Variants in ZNF471 observed in about 807,000 individuals in gnomAD.
ZNF471 encodes the protein zinc finger protein 471.
ZNF471 carries 7 observed loss-of-function variants against 13.7 expected under a neutral mutation model. The ratio of observed to expected loss-of-function variants is 0.51; its 90% CI spans 0.29 to 0.96. ZNF471 has a LOEUF of 0.96. Ranked by LOEUF, ZNF471 falls within the 40% of genes least tolerant of loss-of-function variation. The pLI is 0.08. For missense variants in ZNF471, 663 were observed against 743.3 expected (o/e 0.89, Z 1.26); for synonymous variants, 218 against 235.6 (o/e 0.93, Z 0.68).
rs549390004 is a variant in ZNF471 at position 56,516,502 on chromosome 19, G to C, written c.160+101G>C. 15 of 1,115,748 alleles carry C rather than the reference G, an allele frequency of 1.3e-5. No homozygotes were observed. The highest frequency in any genetic ancestry group is 7.6e-5 in the Admixed American group (3 of 39,376). 69.1% of individuals were successfully genotyped at this position (1,115,748 alleles called of 1,614,324 possible). ...TTATATGTAGGTCAGAATGGAATTT[G>C]GGAATGGAATCTGAGAAACAGAGGA... On this transcript the variant is annotated intron_variant, in intron 3 of 4. Transcript: ENST00000308031. This position sits in a 1 kb window ranked among gnomAD's most constrained non-coding sequence, Gnocchi z 4.4.
chr19:56,518,542 A>T lies in ZNF471; in HGVS notation c.221A>T (p.Glu74Val), dbSNP rs770127423. 8.1e-6 allele frequency: 13 copies of T among 1,613,658 alleles called. No homozygotes were observed. Among genetic ancestry groups the T allele is most frequent in the Non-Finnish European group, 1.1e-5 (13 of 1,179,890 alleles). ...SLLEQGREPWEMTSEMTRSPF... is the reference protein window; with the variant it reads ...SLLEQGREPWVMTSEMTRSPF... ...TTGGAGCAAGGGAGAGAGCCTTGGG[A>T]GATGACGAGTGAGATGACAAGAAGC... Residue 74 changes from glutamate (E) to valine (V), a missense_variant, in exon 4 of 5, where the codon GAG becomes GTG. Glu to Val is a moderately radical substitution (Grantham distance 121). Coordinates refer to ENST00000308031, the MANE Select transcript of ZNF471 (RefSeq NM_020813.4).
At chr19:56,511,358 A>T (rs2043808837) in intron 1 of ZNF471, among the ~76,000 whole-genome samples, 159 bp from the exon 2 acceptor site, 1 of 152,048 alleles carries the variant, frequency 6.6e-6, no homozygotes, top group Non-Finnish European at 1.5e-5. Flanking sequence ...CATGAAAAAA[A>T]AAAACCGTTA....
Position 56,510,681 on chromosome 19 carries a change from T to C in ZNF471, c.-55-836T>C, listed in dbSNP as rs902501605. On this transcript the variant is annotated intron_variant, in intron 1 of 4. Transcript: ENST00000308031. The surrounding 1 kb of genome is among the most constrained non-coding windows in gnomAD (Gnocchi z 4.3). ...GTATGTCACCCTGTATACCCATAAT[T>C]GTGGCCCTGTATGACTGCTGTGTAT... 1.0e-6 allele frequency: 1 copy of C among 985,462 alleles called. No homozygotes were observed. The highest frequency in any genetic ancestry group is 1.7e-5 in the African/African-American group (1 of 57,232). The allele number at this position is 985,462 out of a possible 1,614,324, so 61.0% of individuals were successfully genotyped here.
In ZNF471 at chr19:56,508,229, CTGTGTGTG is replaced by C. The variant is rs3219817; in HGVS notation, c.-56+326_-56+333del. 1.3e-3 allele frequency: 1,051 copies of C among 805,214 alleles called. 17 individuals are homozygous for C. In the African/African-American group the frequency reaches 0.02, roughly 15 times the overall value. 49.9% of individuals were successfully genotyped at this position (805,214 alleles called of 1,614,324 possible). A position where few individuals can be genotyped will look rare whatever the true frequency, so the allele number is the denominator to read the frequency against. On this transcript the variant is annotated intron_variant, in intron 1 of 4. Transcript: ENST00000308031. This position sits in a 1 kb window ranked among gnomAD's most constrained non-coding sequence, Gnocchi z 4.7. ...GAGGCTCCGTGAGAGGGTGTGGTTT[CTGTGTGTG>C]TGTGTGTGTGTGTGTGACAGACCGA...
Position 56,529,742 on chromosome 19 carries a change from T to A in ZNF471, c.*3794T>A, listed in dbSNP as rs1187747221. The A allele has an allele frequency of 6.6e-6, 1 of 152,132 alleles. No homozygotes were observed. Among genetic ancestry groups the A allele is most frequent in the Non-Finnish European group, 1.5e-5 (1 of 68,022 alleles). 9.4% of individuals were successfully genotyped at this position (152,132 alleles called of 1,614,324 possible). A position where few individuals can be genotyped will look rare whatever the true frequency, so the allele number is the denominator to read the frequency against. On this transcript the variant is annotated 3_prime_UTR_variant, in exon 5 of 5. Coordinates refer to ENST00000308031, the MANE Select transcript of ZNF471 (RefSeq NM_020813.4). ...TAAGTGCAGATTGTAAAAGTCCTCA[T>A]CCCCACCAACACAAACCAGCAGAAA...
At chr19:56,514,055 T>C (rs2043845413) in intron 2 of ZNF471, among the ~76,000 whole-genome samples, 1 of 144,580 alleles carries the variant, frequency 6.9e-6, no homozygotes, top group Non-Finnish European at 1.5e-5. Flanking sequence ...GTTTTAACTT[T>C]TTAATTTTTT....
chr19:56,523,328 C>T (rs1279729157), intron 4 of ZNF471, among the ~76,000 whole-genome samples: 1 of 151,254 alleles, frequency 6.6e-6, no homozygotes, highest in African/African-American at 2.4e-5. Context: ...TGCCACTGCA[C>T]TCCAGCCCGG....
chr19:56,510,770 G>A lies in ZNF471; in HGVS notation c.-55-747G>A. The A allele has an allele frequency of 1.0e-6, 1 of 985,498 alleles. No homozygotes were observed. The highest frequency in any genetic ancestry group is 4.7e-5 in the South Asian group (1 of 21,284). 61.0% of individuals were successfully genotyped at this position (985,498 alleles called of 1,614,324 possible). ...TATGAGTGTGGCTGTTTGGAATTGT[G>A]TGTTGCCGGGATAGGAAATGTGGAA... On this transcript the variant is annotated intron_variant, in intron 1 of 4. Coordinates refer to ENST00000308031, the MANE Select transcript of ZNF471 (RefSeq NM_020813.4). The surrounding 1 kb of genome is among the most constrained non-coding windows in gnomAD (Gnocchi z 4.3).
At position 56,525,835 on chromosome 19, in the gene ZNF471, C is replaced by T. The variant is rs1006049172; in HGVS notation, c.1768C>T (p.Gln590Ter). The T allele has an allele frequency of 6.2e-7, 1 of 1,614,162 alleles. No individual in the cohort carries two copies. ...FSDSSSCAQH[Q>*]RLHTGQRPYQ... ...TGATAGCTCATCCTGTGCTCAGCAT[C>T]AAAGACTCCACACTGGCCAAAGGCC... is the stretch of plus-strand genomic sequence containing the variant. The change falls in exon 5 of 5, where the codon CAA becomes TAA. Residue 590 changes from glutamine to a stop codon, truncating the protein, a stop_gained. Coordinates refer to ENST00000308031, the MANE Select transcript of ZNF471 (RefSeq NM_020813.4). LOFTEE classifies it low-confidence loss of function (END_TRUNC).
Position 56,525,400 on chromosome 19 carries a change from T to TG in ZNF471, c.1333_1334insG (p.Ser445CysfsTer16). The TG allele has an allele frequency of 6.2e-7, 1 of 1,614,014 alleles. No individual in the cohort carries two copies. The highest frequency in any genetic ancestry group is 8.5e-7 in the Non-Finnish European group (1 of 1,179,978). Reference sequence around the variant, plus strand: ...TGGGAAAGATTTTAGCCATCATGCATCACTCACTCAGCATCAAAGAGTACA... The same window carrying TG: ...TGGGAAAGATTTTAGCCATCATGCATGCACTCACTCAGCATCAAAGAGTACA... On this transcript the variant is annotated frameshift_variant, in exon 5 of 5. Coordinates refer to ENST00000308031, the MANE Select transcript of ZNF471 (RefSeq NM_020813.4). LOFTEE classifies it low-confidence loss of function (END_TRUNC).
At chr19:56,511,656 CTT>C (rs67525856) in intron 2 of ZNF471, 52 bp downstream of exon 2, 648,774 of 1,445,618 alleles carry the variant, frequency 0.45, 149,598 homozygotes, top group Middle Eastern at 0.49. Flanking sequence ...CTGTTTAGGA[CTT>C]TTTGTAATGC....
chr19:56,512,770 C>T (rs1343469295), intron 2 of ZNF471, among the ~76,000 whole-genome samples: 2 of 152,094 alleles, frequency 1.3e-5, no homozygotes, highest in East Asian at 1.9e-4. Context: ...TGAAATTCCC[C>T]TCCTCACATT....
Position 56,516,207 on chromosome 19 carries a change from T to G in ZNF471, c.34-68T>G. ...TATTTCTCACCTAAAGTAGAGACAC[T>G]TTGGATCAACTCAGAGTTATCTTTG... On this transcript the variant is annotated intron_variant, in intron 2 of 4. Coordinates refer to ENST00000308031, the MANE Select transcript of ZNF471 (RefSeq NM_020813.4). This position sits in a 1 kb window ranked among gnomAD's most constrained non-coding sequence, Gnocchi z 4.4. 2 of 1,536,016 alleles carry G rather than the reference T, an allele frequency of 1.3e-6. No homozygotes were observed. The highest frequency in any genetic ancestry group is 1.8e-6 in the Non-Finnish European group (2 of 1,120,796).
At chr19:56,515,565 G>A (rs745708382) in intron 2 of ZNF471, among the ~76,000 whole-genome samples, 4 of 152,070 alleles carry the variant, frequency 2.6e-5, no homozygotes, top group South Asian at 2.1e-4. Flanking sequence ...TGTTTAAAGC[G>A]AATTAAAATG....
rs565775691 is a variant in ZNF471, at chr19:56,513,803, GAT to G, written c.33+2201_33+2202del. ...TGCTAGACTTTATATATTTTTAAAA[GAT>G]AGTTTGAAGCTTTGATGTCCTCCTC... On this transcript the variant is annotated intron_variant, in intron 2 of 4. Coordinates refer to ENST00000308031, the MANE Select transcript of ZNF471 (RefSeq NM_020813.4). 1.9e-4 allele frequency among the ~76,000 whole-genome samples: 29 copies of G among 152,044 alleles called. No homozygotes were observed. The South Asian group carries it at 5.2e-3, about 27-fold the overall frequency.
rs923111935 is a variant in ZNF471 at position 56,510,515 on chromosome 19, A to G, written c.-55-1002A>G. 11 of 985,654 alleles carry G rather than the reference A, an allele frequency of 1.1e-5. No homozygotes were observed. In the South Asian group the frequency reaches 2.3e-4, roughly 21 times the overall value. 61.1% of individuals were successfully genotyped at this position (985,654 alleles called of 1,614,324 possible). On this transcript the variant is annotated intron_variant, in intron 1 of 4. Transcript: ENST00000308031. This position sits in a 1 kb window ranked among gnomAD's most constrained non-coding sequence, Gnocchi z 4.3. ...GTGTGAGAGAAGTAAGATTGGGGGT[A>G]TGTGTGAAGGTGTTGGTGAATCACC...
intron 2 of ZNF471, among the ~76,000 whole-genome samples, chr19:56,514,810 T>C (rs1341385166): frequency 6.6e-6 from 1 of 152,180 alleles, no homozygotes; most frequent in African/African-American, 2.4e-5. Flanking sequence ...ATGCACAACC[T>C]ACACTCCAGA....
At position 56,525,596 on chromosome 19, in the gene ZNF471, C is replaced by G; in HGVS notation, c.1529C>G (p.Thr510Ser). Reference sequence around the variant, plus strand: ...CTGGCTACTCATCAGAGAATTCATACTGGAGAGAAGCCTTATGAATGTATT... The same window carrying G: ...CTGGCTACTCATCAGAGAATTCATAGTGGAGAGAAGCCTTATGAATGTATT... ...SQLATHQRIHTGEKPYECIEC... is the reference protein window; with the variant it reads ...SQLATHQRIHSGEKPYECIEC... Residue 510 changes from threonine to serine, a missense_variant, in exon 5 of 5, where the codon ACT becomes AGT. Physicochemically the swap from Thr to Ser is moderately conservative, Grantham distance 58. Transcript: ENST00000308031. 3.7e-6 allele frequency: 6 copies of G among 1,613,972 alleles called. No individual in the cohort carries two copies. Among genetic ancestry groups the G allele is most frequent in the Non-Finnish European group, 5.1e-6 (6 of 1,179,840 alleles).
rs1240082566 is a variant in ZNF471 at position 56,516,871 on chromosome 19, C to T, written c.160+470C>T. On this transcript the variant is annotated intron_variant, in intron 3 of 4. Transcript: ENST00000308031. This position sits in a 1 kb window ranked among gnomAD's most constrained non-coding sequence, Gnocchi z 4.4. ...TGGACCTTTCTTCTAAGCACTGGGG[C>T]CACCCCATTGGCTAGATTAGCTTTC... is the stretch of plus-strand genomic sequence containing the variant. Among the ~76,000 whole-genome samples the T allele has an allele frequency of 1.3e-5, 2 of 152,218 alleles. No individual in the cohort carries two copies. Among genetic ancestry groups the T allele is most frequent in the African/African-American group, 4.8e-5 (2 of 41,448 alleles).
Sources: allele counts gnomAD v4.1 joint callset (sites outside exome capture counted in the v4.1 genomes callset), GRCh38; gene constraint gnomAD v4.1.1; non-coding constraint Gnocchi (gnomAD v3.1); transcripts MANE v1.5; gene names NCBI Gene and HGNC (gene_info 2026-07-23, HGNC 2026-07-21).